Variants in TOP3B observed in about 807,000 individuals in gnomAD.
The protein encoded by TOP3B is DNA topoisomerase 3-beta-1.
Under a neutral mutation model 93.9 loss-of-function variants are expected in TOP3B, and 45 were observed. The ratio of observed to expected loss-of-function variants is 0.48; its 90% confidence interval spans 0.38 to 0.61. The LOEUF is 0.61. TOP3B is among the 20% of genes least tolerant of loss of function. The pLI, the probability that TOP3B is intolerant of heterozygous loss-of-function variation, is 0.00. For missense variants in TOP3B, 750 were observed against 1,156.1 expected, an observed-to-expected ratio of 0.65 and a Z score of 5.09; for synonymous variants, 357 against 472.6, an observed-to-expected ratio of 0.76 and a Z score of 3.17.
chr22:21,960,560 C>T, intron 13 of TOP3B, 111 bp from the exon 14 acceptor site: 1 of 1,463,446 alleles, frequency 6.8e-7, no homozygotes, highest in South Asian at 1.2e-5. Context: ...TCTCACTGCT[C>T]CCGGTCACAG....
At chr22:21,962,192 C>T (rs973088963) in intron 13 of TOP3B, 73 of 1,457,304 alleles carry the variant, frequency 5.0e-5, no homozygotes, top group African/African-American at 1.4e-4. Flanking sequence ...CCACAGTGCA[C>T]GAGGGCACAT....
At position 21,975,815 on chromosome 22, in the gene TOP3B, G is replaced by A; in HGVS notation, c.-98-8C>T. ...TATTACCAATGCTGACTCCTAAAGAGAAGAAAAGACACTCAGGATAGCAAT... is the reference window on the plus strand; with the variant it reads ...TATTACCAATGCTGACTCCTAAAGAAAAGAAAAGACACTCAGGATAGCAAT... On this transcript the variant is annotated splice_polypyrimidine_tract_variant and splice_region_variant and intron_variant, in intron 1 of 17. Coordinates refer to ENST00000357179, the MANE Select transcript of TOP3B (RefSeq NM_001282112.2). 3 of 1,377,304 alleles carry A rather than the reference G, an allele frequency of 2.2e-6. No individual in the cohort carries two copies. The highest frequency in any genetic ancestry group is 2.8e-6 in the Non-Finnish European group (3 of 1,054,782). The allele number at this position is 1,377,304 out of a possible 1,614,324, so 85.3% of individuals were successfully genotyped here. A position where few individuals can be genotyped will look rare whatever the true frequency, so the allele number is the denominator to read the frequency against.
At chr22:21,977,534 A>G (rs1475703162) in intron 1 of TOP3B, 1 of 125,086 alleles carries the variant, frequency 8.0e-6, no homozygotes, top group Non-Finnish European at 1.7e-5. Context: ...ATCTCAAACA[A>G]AAAAAAAAAA....
chr22:21,961,955 C>T (rs2071202488), intron 13 of TOP3B: 10 of 370,010 alleles, frequency 2.7e-5, no homozygotes, highest in South Asian at 2.1e-4. Context: ...CCCATTTTTG[C>T]GTGGAAACTT....
intron 9 of TOP3B, chr22:21,964,804 G>A (rs770448894): frequency 2.2e-5 from 4 of 180,116 alleles, no homozygotes; most frequent in Non-Finnish European, 3.5e-5. Context: ...AGAGGCAGGC[G>A]CTTAGCTAGC....
At chr22:21,967,333 G>C (rs2071452180) in intron 8 of TOP3B, 1 of 419,256 alleles carries the variant, frequency 2.4e-6, no homozygotes, top group Non-Finnish European at 4.4e-6. Flanking sequence ...CACGTGGAAA[G>C]GGGAGAGTGG....
rs962307214 is a variant in TOP3B at position 21,958,800 on chromosome 22, T to C, written c.1906-107A>G. The C allele has an allele frequency of 1.3e-5, 19 of 1,427,942 alleles. No individual in the cohort carries two copies. The African/African-American group carries it at 2.7e-4, about 20-fold the overall frequency. The allele number at this position is 1,427,942 out of a possible 1,614,324, so 88.5% of individuals were successfully genotyped here. On this transcript the variant is annotated intron_variant, in intron 16 of 17. Transcript: ENST00000357179. ...AGTATGTAATCTGTCATGCAGAACC[T>C]GTGACACACTGCCAGGCAAGGAGCA...
intron 2 of TOP3B, 192 bp from the exon 3 acceptor site, chr22:21,974,680 CT>C (rs2071789157): frequency 1.7e-6 from 1 of 583,590 alleles, no homozygotes; most frequent in Admixed American, 3.1e-5. Context: ...AAAACAGCAT[CT>C]GCCAACAACC....
chr22:21,974,470 T>C lies in TOP3B; in HGVS notation c.89A>G (p.Lys30Arg), dbSNP rs772501950. The C allele has an allele frequency of 1.5e-5, 24 of 1,611,670 alleles. No homozygotes were observed. Among genetic ancestry groups the C allele is most frequent in the Non-Finnish European group, 2.0e-5 (24 of 1,178,680 alleles). Residue 30 changes from lysine (K) to arginine (R), a missense_variant, in exon 3 of 18, where the codon AAA becomes AGA. Lys to Arg is a conservative substitution (Grantham distance 26). Transcript: ENST00000357179. Reference protein sequence around the residue: ...ILSRGSLSSHKGLNGACSVHE... With the variant: ...ILSRGSLSSHRGLNGACSVHE... ...GACTGAGCAGGCCCCGTTCAGCCCTTTGTGTGAGGACAGGCTCCCTGGGGA... is the reference window on the plus strand; with the variant it reads ...GACTGAGCAGGCCCCGTTCAGCCCTCTGTGTGAGGACAGGCTCCCTGGGGA...
chr22:21,981,858 T>C (rs918950226), intron 1 of TOP3B, among the ~76,000 whole-genome samples: 2 of 152,076 alleles, frequency 1.3e-5, no homozygotes, highest in African/African-American at 4.8e-5. Context: ...AGCAGTGGTC[T>C]GAATAGCATT....
intron 2 of TOP3B, 88 bp from the exon 3 acceptor site, chr22:21,974,576 G>A: frequency 1.4e-6 from 2 of 1,410,508 alleles, no homozygotes; most frequent in Non-Finnish European, 1.9e-6. Flanking sequence ...ACCTCCCAGA[G>A]GGCCAGAGTC....
At position 21,968,285 on chromosome 22, in the gene TOP3B, G is replaced by C. The variant is rs2071493596; in HGVS notation, c.738+334C>G. ...CTTTTATTTGAAGAAAGGGTTCTAG[G>C]AATTTTAAAAAGTTTGAAAGCCAAT... On this transcript the variant is annotated intron_variant, in intron 7 of 17. Transcript: ENST00000357179. The C allele has an allele frequency of 7.1e-6, 2 of 282,416 alleles. 1 individual carries two copies. Among genetic ancestry groups the C allele is most frequent in the Admixed American group, 9.4e-5 (2 of 21,190 alleles). 17.5% of individuals were successfully genotyped at this position (282,416 alleles called of 1,614,324 possible). A position where few individuals can be genotyped will look rare whatever the true frequency, so the allele number is the denominator to read the frequency against.
At chr22:21,974,562 T>C (rs1235953850) in intron 2 of TOP3B, 74 bp from the exon 3 acceptor site, 2 of 1,479,480 alleles carry the variant, frequency 1.4e-6, no homozygotes, top group African/African-American at 1.4e-5. Context: ...CCAGCCCGGA[T>C]GCCACCTCCC....
chr22:21,969,435 T>C (rs2071544512), intron 6 of TOP3B: 1 of 152,100 alleles, frequency 6.6e-6, no homozygotes, highest in African/African-American at 2.4e-5. Flanking sequence ...ACCCCGTCTC[T>C]ACTAAAAGTA....
Position 21,970,458 on chromosome 22 carries a change from G to A in TOP3B, c.385-52C>T. 4.4e-6 allele frequency: 7 copies of A among 1,577,266 alleles called. No homozygotes were observed. The highest frequency in any genetic ancestry group is 6.1e-6 in the Non-Finnish European group (7 of 1,156,204). ...ACCCACCTCCCAGATCCCTGCCACA[G>A]CTCCCCACCCCACTGTGAAGCCTGG... On this transcript the variant is annotated intron_variant, in intron 5 of 17. Coordinates refer to ENST00000357179, the MANE Select transcript of TOP3B (RefSeq NM_001282112.2). The surrounding 1 kb of genome is among the most constrained non-coding windows in gnomAD (Gnocchi z 4.4).
chr22:21,968,416 A>C, intron 7 of TOP3B: 1 of 595,370 alleles, frequency 1.7e-6, no homozygotes, highest in Non-Finnish European at 2.9e-6. Context: ...ATCCAGATTC[A>C]GCATATACAG....
chr22:21,971,286 AC>A lies in TOP3B; in HGVS notation c.384+590del. 4.0e-6 allele frequency: 1 copy of A among 249,332 alleles called. No homozygotes were observed. The highest frequency in any genetic ancestry group is 2.8e-5 in the South Asian group (1 of 36,044). 15.4% of individuals were successfully genotyped at this position (249,332 alleles called of 1,614,324 possible). ...CTGGGGGTACAGGAGCACGGGGGCG[AC>A]CCATAGAACAACAGTCTGAAGGGCA... On this transcript the variant is annotated intron_variant, in intron 5 of 17. Transcript: ENST00000357179. This position sits in a 1 kb window ranked among gnomAD's most constrained non-coding sequence, Gnocchi z 4.6.
At chr22:21,961,210 G>A (rs1414166435) in intron 13 of TOP3B, 1 of 152,340 alleles carries the variant, frequency 6.6e-6, no homozygotes, top group African/African-American at 2.4e-5. Flanking sequence ...ATGGCTCTTG[G>A]CACGAGGCCA....
intron 1 of TOP3B, 119 bp from the exon 2 acceptor site, chr22:21,975,926 T>C (rs949566886): frequency 1.1e-5 from 6 of 558,260 alleles, no homozygotes; most frequent in Non-Finnish European, 1.6e-5. Flanking sequence ...AGAAGAAAAA[T>C]TAGGGAATTA....
Sources: allele counts gnomAD v4.1 joint callset (sites outside exome capture counted in the v4.1 genomes callset), GRCh38; gene constraint gnomAD v4.1.1; non-coding constraint Gnocchi (gnomAD v3.1); transcripts MANE v1.5; gene names NCBI Gene and HGNC (gene_info 2026-07-23, HGNC 2026-07-21).